Variants in TANGO6 observed in about 807,000 individuals in gnomAD.
TANGO6 encodes the protein transport and golgi organization 6 homolog.
TANGO6 carries 90 observed loss-of-function variants against 114.2 expected under a neutral mutation model. The ratio of observed to expected loss-of-function variants is 0.79; its 90% CI spans 0.66 to 0.94. The LOEUF is 0.94. Ranked by LOEUF, TANGO6 falls within the 40% of genes least tolerant of loss-of-function variation. The pLI is 0.00. For synonymous variants in TANGO6, 477 were observed against 509.8 expected (o/e 0.94, Z 0.87); for missense variants, 1,274 against 1,315.3 (o/e 0.97, Z 0.49).
chr16:69,051,868 A>T (rs9926978), intron 17 of TANGO6, among the ~76,000 whole-genome samples: 17,864 of 147,422 alleles, frequency 0.12, 1,154 homozygotes, highest in South Asian at 0.19. Context: ...ATATATATAT[A>T]TTTTTTCCAT....
At chr16:69,022,034 C>T (rs780598121) in intron 15 of TANGO6, among the ~76,000 whole-genome samples, 15 of 151,530 alleles carry the variant, frequency 9.9e-5, no homozygotes, top group South Asian at 2.1e-4. Context: ...TACAGGCGCC[C>T]GCCACCACGC....
intron 17 of TANGO6, among the ~76,000 whole-genome samples, chr16:69,081,718 T>C (rs1218288458): frequency 6.6e-6 from 1 of 152,106 alleles, no homozygotes; most frequent in Non-Finnish European, 1.5e-5. Flanking sequence ...GCCAGGAGGA[T>C]TTTTTAGGGA....
At chr16:68,934,642 A>G (rs1934483222) in intron 14 of TANGO6, among the ~76,000 whole-genome samples, 1 of 152,198 alleles carries the variant, frequency 6.6e-6, no homozygotes, top group East Asian at 1.9e-4. Flanking sequence ...CAGATAAATC[A>G]AAGAAGCAAG....
intron 16 of TANGO6, among the ~76,000 whole-genome samples, chr16:69,038,802 G>A (rs1284113508): frequency 3.3e-5 from 5 of 152,136 alleles, no homozygotes; most frequent in Non-Finnish European, 5.9e-5. Context: ...CAGCACTTTG[G>A]GAGGTGGACG....
chr16:69,067,525 A>AAAAAAAAAAAAAAAG (rs1960232937), intron 17 of TANGO6, among the ~76,000 whole-genome samples: 1 of 147,210 alleles, frequency 6.8e-6, no homozygotes, highest in Admixed American at 6.8e-5. Flanking sequence ...TCTCAAAAAA[A>AAAAAAAAAAAAAAAG]AAAAAAAAAA....
chr16:69,066,348 G>T (rs1230905213), intron 17 of TANGO6, among the ~76,000 whole-genome samples: 1 of 152,114 alleles, frequency 6.6e-6, no homozygotes, highest in East Asian at 1.9e-4. Context: ...AGGTTGGAGT[G>T]CAATGGCGTG....
intron 13 of TANGO6, among the ~76,000 whole-genome samples, chr16:68,929,561 A>G (rs1363104767): frequency 6.6e-6 from 1 of 152,176 alleles, no homozygotes; most frequent in Non-Finnish European, 1.5e-5. Flanking sequence ...ACACAGCATT[A>G]TATATGGAGC....
Position 68,860,318 on chromosome 16 carries a change from G to C in TANGO6, c.529G>C (p.Ala177Pro). 6.2e-7 allele frequency: 1 copy of C among 1,613,958 alleles called. No individual in the cohort carries two copies. The highest frequency in any genetic ancestry group is 8.5e-7 in the Non-Finnish European group (1 of 1,179,902). ...VPLRYRTEFG[A>P]VVQDVVCFDA... The stretch of plus-strand genomic sequence containing the variant: ...TTTGAGATATAGAACTGAATTTGGT[G>C]CCGTCGTTCAAGACGTGGTGTGTTT... Residue 177 changes from alanine (A) to proline (P), a missense_variant, in exon 2 of 18, where the codon GCC (alanine) becomes CCC (proline). By Grantham distance (27) the Ala-to-Pro change is conservative. Around this residue, in one of 5 missense-constraint regions of TANGO6, gnomAD observed 908 missense variants for 910.2 expected, o/e 1.00. Coordinates refer to ENST00000261778, the MANE Select transcript of TANGO6 (RefSeq NM_024562.2).
intron 7 of TANGO6, among the ~76,000 whole-genome samples, chr16:68,888,089 A>T (rs1175193226): frequency 6.6e-6 from 1 of 152,186 alleles, no homozygotes; most frequent in Non-Finnish European, 1.5e-5. Context: ...GGTGAATTGA[A>T]TTGAAAACCT....
intron 7 of TANGO6, among the ~76,000 whole-genome samples, chr16:68,886,151 C>G (rs548851656): frequency 5.6e-4 from 85 of 151,954 alleles, no homozygotes; most frequent in African/African-American, 1.9e-3. Flanking sequence ...TATTGAACAG[C>G]TTTTCATGTG....
chr16:68,941,683 C>T (rs1963355053), intron 14 of TANGO6, among the ~76,000 whole-genome samples: 1 of 151,752 alleles, frequency 6.6e-6, no homozygotes, highest in East Asian at 1.9e-4. Context: ...GAGGTGGAAG[C>T]GTCAGTGAGC....
At chr16:68,912,161 T>C (rs906706605) in intron 11 of TANGO6, among the ~76,000 whole-genome samples, 1 of 152,202 alleles carries the variant, frequency 6.6e-6, no homozygotes, top group Non-Finnish European at 1.5e-5. Context: ...AAAATCTTTC[T>C]TTATAGGAGA....
At chr16:68,973,576 G>C (rs1003416434) in intron 14 of TANGO6, among the ~76,000 whole-genome samples, 9 of 152,268 alleles carry the variant, frequency 5.9e-5, no homozygotes, top group East Asian at 5.8e-4. Context: ...TCCTACGAAG[G>C]GGGGACTCAG....
intron 3 of TANGO6, among the ~76,000 whole-genome samples, chr16:68,865,375 G>T (rs1304529062): frequency 1.3e-5 from 2 of 151,974 alleles, no homozygotes; most frequent in Admixed American, 6.6e-5. Context: ...CTTCTGCAGG[G>T]GATAGGCCTC....
intron 1 of TANGO6, among the ~76,000 whole-genome samples, chr16:68,859,456 C>A (rs538327245): frequency 6.6e-6 from 1 of 152,298 alleles, no homozygotes; most frequent in South Asian, 2.1e-4. Context: ...CAGGCATGAG[C>A]TGCCGCACCT....
intron 15 of TANGO6, among the ~76,000 whole-genome samples, chr16:68,997,004 A>T (rs1272976836): frequency 6.6e-6 from 1 of 152,204 alleles, no homozygotes; most frequent in Non-Finnish European, 1.5e-5. Flanking sequence ...GGATTGGGCG[A>T]AACAAAAAGG....
intron 14 of TANGO6, among the ~76,000 whole-genome samples, chr16:68,967,669 GT>G (rs1373149177): frequency 1.3e-5 from 2 of 152,164 alleles, no homozygotes; most frequent in Non-Finnish European, 2.9e-5. Flanking sequence ...GTTTCTTGTA[GT>G]TTTGTTGGCA....
chr16:68,955,288 A>AGAG (rs1359031291), intron 14 of TANGO6, among the ~76,000 whole-genome samples: 5 of 152,258 alleles, frequency 3.3e-5, no homozygotes, highest in African/African-American at 4.8e-5. Context: ...TTATTAAGTC[A>AGAG]GAGTATACTA....
chr16:69,032,447 T>A (rs1959611436), intron 16 of TANGO6, among the ~76,000 whole-genome samples: 1 of 151,828 alleles, frequency 6.6e-6, no homozygotes. Flanking sequence ...TTTCTATTTT[T>A]AGTAGAGGCA....
Sources: allele counts gnomAD v4.1 joint callset (sites outside exome capture counted in the v4.1 genomes callset), GRCh38; gene constraint gnomAD v4.1.1; regional missense constraint gnomAD v4.1.1; transcripts MANE v1.5; gene names NCBI Gene and HGNC (gene_info 2026-07-23, HGNC 2026-07-21).